Variants in FOCAD observed in about 807,000 individuals in gnomAD.
FOCAD encodes the protein focadhesin.
A neutral mutation model predicts 225.6 loss-of-function variants in FOCAD; 198 were observed. The observed-to-expected ratio is 0.88, with a 90% confidence interval of 0.78 to 0.99. The LOEUF is 0.99. Ranked by LOEUF, FOCAD falls within the 50% of genes least tolerant of loss-of-function variation. The pLI, the probability that FOCAD is intolerant of heterozygous loss-of-function variation, is 0.00. For missense variants in FOCAD, 2,713 were observed against 2,123.6 expected (o/e 1.28, Z -5.46); for synonymous variants, 897 against 755.0 (o/e 1.19, Z -3.08).
At chr9:20,976,674 T>C in intron 36 of FOCAD, 126 bp downstream of exon 36, 2 of 1,014,936 alleles carry the variant, frequency 2.0e-6, no homozygotes, top group Admixed American at 3.9e-5. Context: ...GTTTGTCATG[T>C]TGGATGGAAT....
At chr9:20,840,104 T>C (rs1232124524) in intron 15 of FOCAD, among the ~76,000 whole-genome samples, 2 of 152,044 alleles carry the variant, frequency 1.3e-5, no homozygotes, top group Non-Finnish European at 2.9e-5. Context: ...ATTCCTCCAG[T>C]TTTGTTGTTT....
chr9:20,874,604 C>A, intron 18 of FOCAD, 77 bp from the exon 19 acceptor site: 1 of 1,505,466 alleles, frequency 6.6e-7, no homozygotes, highest in Non-Finnish European at 9.0e-7. Context: ...AATCTTGTCA[C>A]AAAAAAGGAT....
intron 21 of FOCAD, among the ~76,000 whole-genome samples, chr9:20,901,656 A>G (rs1193518812): frequency 6.6e-6 from 1 of 151,944 alleles, no homozygotes; most frequent in African/African-American, 2.4e-5. Flanking sequence ...ATGAGGAAAC[A>G]TGATTACCTT....
intron 15 of FOCAD, among the ~76,000 whole-genome samples, chr9:20,853,541 T>A (rs182610483): frequency 1.0e-3 from 154 of 151,900 alleles, no homozygotes; most frequent in African/African-American, 3.5e-3. Flanking sequence ...GTTGTTAATA[T>A]GAGAGTAGCT....
At chr9:20,897,412 GT>G (rs796547455) in intron 21 of FOCAD, among the ~76,000 whole-genome samples, 79 of 142,316 alleles carry the variant, frequency 5.6e-4, no homozygotes, top group African/African-American at 1.7e-3. Context: ...ATTTGTTACT[GT>G]TTTTTTTTTC....
rs181727023 is a variant in FOCAD at position 20,810,671 on chromosome 9, A to C, written c.1456-9125A>C. Among the ~76,000 whole-genome samples the C allele has an allele frequency of 2.0e-5, 3 of 152,186 alleles. No individual in the cohort carries two copies. The East Asian group carries it at 5.8e-4, about 29-fold the overall frequency. ...TATTGGTAATGTAGCCAACCATTACATCATGATTTAAGTTTTTCTTATACT... is the reference window on the plus strand; with the variant it reads ...TATTGGTAATGTAGCCAACCATTACCTCATGATTTAAGTTTTTCTTATACT... On this transcript the variant is annotated intron_variant, in intron 11 of 43. Coordinates refer to ENST00000338382, the MANE Select transcript of FOCAD (RefSeq NM_001375567.1).
At chr9:20,690,043 A>G (rs1822883542) in intron 1 of FOCAD, among the ~76,000 whole-genome samples, 1 of 152,202 alleles carries the variant, frequency 6.6e-6, no homozygotes, top group Non-Finnish European at 1.5e-5. Context: ...TGGTAGGATT[A>G]GGAAGTTATG....
chr9:20,697,399 C>G (rs1002398633), intron 1 of FOCAD, among the ~76,000 whole-genome samples: 3 of 152,222 alleles, frequency 2.0e-5, no homozygotes, highest in Admixed American at 1.3e-4. Flanking sequence ...TGAGAAACAT[C>G]CAAAGACTCC....
At chr9:20,939,480 A>C (rs1836405677) in intron 28 of FOCAD, among the ~76,000 whole-genome samples, 1 of 152,168 alleles carries the variant, frequency 6.6e-6, no homozygotes, top group Admixed American at 6.5e-5. Flanking sequence ...CCAGTGGCAC[A>C]GTCAGGAGTG....
chr9:20,844,599 G>T (rs1456004266), intron 15 of FOCAD, among the ~76,000 whole-genome samples: 21 of 151,928 alleles, frequency 1.4e-4, no homozygotes, highest in Admixed American at 1.4e-3. Flanking sequence ...GACCTCAGGT[G>T]ATCTGCCTGC....
intron 28 of FOCAD, among the ~76,000 whole-genome samples, chr9:20,934,887 T>A (rs1265703501): frequency 6.6e-6 from 1 of 151,490 alleles, no homozygotes; most frequent in African/African-American, 2.4e-5. Context: ...CAAAAAAAAA[T>A]AATAAGATAC....
At chr9:20,769,067 C>G (rs1329804435) in intron 7 of FOCAD, among the ~76,000 whole-genome samples, 6 of 152,160 alleles carry the variant, frequency 3.9e-5, no homozygotes, top group African/African-American at 1.2e-4. Context: ...CGTCTCTTCT[C>G]TGTGGCCTTT....
chr9:20,806,405 A>G (rs1822460139), intron 11 of FOCAD, among the ~76,000 whole-genome samples: 1 of 152,198 alleles, frequency 6.6e-6, no homozygotes, highest in Non-Finnish European at 1.5e-5. Flanking sequence ...TGAAGATGCT[A>G]GGAATCTGGA....
intron 2 of FOCAD, among the ~76,000 whole-genome samples, chr9:20,667,825 T>C (rs546705329): frequency 1.1e-4 from 17 of 152,016 alleles, no homozygotes; most frequent in Admixed American, 5.9e-4. Flanking sequence ...AAAAACCAGA[T>C]ATGAAAAAAA....
chr9:20,893,501 A>G (rs1831808943), intron 21 of FOCAD, among the ~76,000 whole-genome samples: 2 of 152,110 alleles, frequency 1.3e-5, no homozygotes, highest in African/African-American at 4.8e-5. Context: ...TCTTACTGGC[A>G]TGTGAATAAG....
intron 35 of FOCAD, among the ~76,000 whole-genome samples, chr9:20,956,298 C>T (rs185738852): frequency 3.2e-4 from 48 of 152,162 alleles, no homozygotes; most frequent in Non-Finnish European, 4.0e-4. Context: ...GAGTTGGTTG[C>T]CAAGGTTATG....
At chr9:20,724,313 T>G (rs1023361238) in intron 4 of FOCAD, among the ~76,000 whole-genome samples, 6 of 152,238 alleles carry the variant, frequency 3.9e-5, no homozygotes, top group Non-Finnish European at 8.8e-5. Flanking sequence ...TTACAATAGA[T>G]AGTGTTTCAG....
At chr9:20,766,614 C>T (rs1179648326) in intron 7 of FOCAD, among the ~76,000 whole-genome samples, 1 of 151,608 alleles carries the variant, frequency 6.6e-6, no homozygotes, top group East Asian at 1.9e-4. Context: ...TTATTTTTCT[C>T]CCTTCTTTCC....
chr9:20,862,806 G>T, intron 16 of FOCAD, 94 bp downstream of exon 16: 2 of 1,392,706 alleles, frequency 1.4e-6, no homozygotes, highest in Non-Finnish European at 1.9e-6. Context: ...ATCTGTTGTT[G>T]TTGTTGTTGT....
Sources: gnomAD v4.1 joint callset for allele counts (sites outside exome capture counted in the v4.1 genomes callset) on GRCh38, gnomAD v4.1.1 for gene constraint, MANE v1.5 for transcripts, NCBI Gene and HGNC (gene_info 2026-07-23, HGNC 2026-07-21) for gene names.